The following TBC1D15 variants were observed in gnomAD, a reference collection of about 807,000 sequenced individuals.
TBC1D15 encodes TBC1 domain family member 15, also known as GAP for RAB7.
TBC1D15 carries 39 observed loss-of-function variants against 95.4 expected under a neutral mutation model. The ratio of observed to expected loss-of-function variants is 0.41; its 90% CI spans 0.32 to 0.53. The LOEUF is 0.53. Among genes scored for constraint, TBC1D15 ranks in the 20% least tolerant of loss-of-function variants. The pLI is 0.29. For missense variants in TBC1D15, 733 were observed against 794.3 expected (o/e 0.92, Z 0.93); for synonymous variants, 258 against 261.3 (o/e 0.99, Z 0.12).
At chr12:71,866,802 T>C (rs1454775912) in intron 1 of TBC1D15, among the ~76,000 whole-genome samples, 1 of 152,198 alleles carries the variant, frequency 6.6e-6, no homozygotes, top group East Asian at 1.9e-4. Context: ...ATTGTTTTGG[T>C]TGCTTGTTGC....
intron 10 of TBC1D15, among the ~76,000 whole-genome samples, chr12:71,901,162 A>G (rs942122753): frequency 5.3e-5 from 8 of 152,126 alleles, no homozygotes; most frequent in African/African-American, 1.9e-4. Flanking sequence ...CTGGGGCTGC[A>G]TGCACGCACC....
At chr12:71,878,474 C>G (rs961912506) in intron 3 of TBC1D15, among the ~76,000 whole-genome samples, 4 of 151,034 alleles carry the variant, frequency 2.6e-5, no homozygotes, top group African/African-American at 9.7e-5. Context: ...TAGCTTTCCT[C>G]ACTACTGACG....
chr12:71,889,683 T>C (rs1206206081), intron 5 of TBC1D15, among the ~76,000 whole-genome samples: 2 of 152,224 alleles, frequency 1.3e-5, no homozygotes, highest in African/African-American at 2.4e-5. Context: ...GCAGGTTTGT[T>C]ATGTAGGTAA....
At chr12:71,905,625 C>T (rs1341587128) in intron 10 of TBC1D15, among the ~76,000 whole-genome samples, 1 of 152,024 alleles carries the variant, frequency 6.6e-6, no homozygotes, top group Non-Finnish European at 1.5e-5. Context: ...TGTACCTGGC[C>T]CATTTTGACA....
chr12:71,894,334 C>G lies in TBC1D15; in HGVS notation c.658-352C>G, dbSNP rs749058967. ...TTTTTTTTGTATGAAGGCAGGACTGCTAGACAGAAGAAAGCTGTTGTGGGC... is the reference window on the plus strand; with the variant it reads ...TTTTTTTTGTATGAAGGCAGGACTGGTAGACAGAAGAAAGCTGTTGTGGGC... On this transcript the variant is annotated intron_variant, in intron 6 of 16. Transcript: ENST00000485960. 2.5e-6 allele frequency: 4 copies of G among 1,612,770 alleles called. No homozygotes were observed. In the Admixed American group the frequency reaches 5.0e-5, roughly 20 times the overall value.
chr12:71,879,852 G>A (rs1283735874), intron 3 of TBC1D15, among the ~76,000 whole-genome samples: 1 of 152,112 alleles, frequency 6.6e-6, no homozygotes, highest in African/African-American at 2.4e-5. Flanking sequence ...AGATGTTGTA[G>A]TTGTGCTATC....
At chr12:71,846,570 T>C (rs1341297716) in intron 1 of TBC1D15, among the ~76,000 whole-genome samples, 1 of 152,192 alleles carries the variant, frequency 6.6e-6, no homozygotes, top group African/African-American at 2.4e-5. Flanking sequence ...GCTCTTGATA[T>C]ATTTTGCTTC....
chr12:71,918,005 A>G (rs1322605318), intron 13 of TBC1D15, among the ~76,000 whole-genome samples: 2 of 152,134 alleles, frequency 1.3e-5, no homozygotes, highest in East Asian at 1.9e-4. Flanking sequence ...AAGGAAAAAA[A>G]AATGCTGGCT....
rs11609372 is a variant in TBC1D15, at chr12:71,924,028, G to T, written c.*824G>T. 13,169 of 152,526 alleles carry T rather than the reference G, an allele frequency of 0.086. 647 individuals carry two copies. The highest frequency in any genetic ancestry group is 0.14 in the South Asian group (689 of 4,818). 9.4% of individuals were successfully genotyped at this position (152,526 alleles called of 1,614,324 possible). On this transcript the variant is annotated 3_prime_UTR_variant, in exon 17 of 17. Transcript: ENST00000485960. The stretch of plus-strand genomic sequence containing the variant: ...GGTGTAATTTTAAAATTAATTGCTT[G>T]TAACCTCACTTTACTAATAATGTTT...
intron 1 of TBC1D15, among the ~76,000 whole-genome samples, chr12:71,851,851 C>T (rs1002330105): frequency 3.9e-5 from 6 of 152,166 alleles, no homozygotes; most frequent in Admixed American, 6.5e-5. Context: ...TATTGTGTGC[C>T]TGTGGCTTTT....
In TBC1D15 at chr12:71,872,139, A is replaced by C; in HGVS notation, c.100A>C (p.Ile34Leu). 6.3e-7 allele frequency: 1 copy of C among 1,579,140 alleles called. No individual in the cohort carries two copies. Among genetic ancestry groups the C allele is most frequent in the Non-Finnish European group, 8.6e-7 (1 of 1,164,512 alleles). The part of the protein sequence containing the change: ...CGKTNDQDGL[I>L]SGILRVLEKD... Reference sequence around the variant, plus strand: ...AAAGACCAATGACCAAGACGGCTTGATTTCAGGAATATTACGTGTTTTAGA... The same window carrying C: ...AAAGACCAATGACCAAGACGGCTTGCTTTCAGGAATATTACGTGTTTTAGA... Residue 34 changes from isoleucine to leucine, a missense_variant, in exon 2 of 17, where the codon ATT becomes CTT. Ile to Leu is a conservative substitution (Grantham distance 5). Coordinates refer to ENST00000485960, the MANE Select transcript of TBC1D15 (RefSeq NM_001146213.3).
Position 71,839,763 on chromosome 12 carries a change from C to G in TBC1D15, c.-19C>G. The G allele has an allele frequency of 1.2e-6, 2 of 1,614,150 alleles. No homozygotes were observed. The highest frequency in any genetic ancestry group is 1.6e-4 in the Middle Eastern group (1 of 6,062). The stretch of plus-strand genomic sequence containing the variant: ...CACGTGAGGTTCTGCTACGTCATTA[C>G]CAGGCACGCGCAGGAAACATGGCGG... On this transcript the variant is annotated 5_prime_UTR_variant, in exon 1 of 17. Transcript: ENST00000485960.
chr12:71,896,328 T>G (rs1898167510), intron 8 of TBC1D15: 1 of 426,802 alleles, frequency 2.3e-6, no homozygotes, highest in African/African-American at 2.0e-5. Flanking sequence ...GGGGGAAGAA[T>G]TCTTCCGTAC....
intron 10 of TBC1D15, among the ~76,000 whole-genome samples, chr12:71,899,495 A>G (rs571380998): frequency 6.6e-6 from 1 of 152,188 alleles, no homozygotes; most frequent in African/African-American, 2.4e-5. Context: ...TTCTTTTTCT[A>G]TAATGCTTTT....
At chr12:71,862,730 A>G (rs1170460765) in intron 1 of TBC1D15, among the ~76,000 whole-genome samples, 1 of 152,000 alleles carries the variant, frequency 6.6e-6, no homozygotes, top group Non-Finnish European at 1.5e-5. Context: ...TTTTGCTCTC[A>G]TAGTTTATCA....
At chr12:71,864,333 G>T (rs929253483) in intron 1 of TBC1D15, among the ~76,000 whole-genome samples, 1 of 152,112 alleles carries the variant, frequency 6.6e-6, no homozygotes, top group Non-Finnish European at 1.5e-5. Context: ...CTCCCAAAGT[G>T]CTGGGATTAC....
At chr12:71,844,716 C>T (rs1885885168) in intron 1 of TBC1D15, among the ~76,000 whole-genome samples, 1 of 152,142 alleles carries the variant, frequency 6.6e-6, no homozygotes, top group South Asian at 2.1e-4. Context: ...TTGCTCTGTA[C>T]CTGGCACATG....
At chr12:71,870,526 C>G (rs1213925042) in intron 1 of TBC1D15, among the ~76,000 whole-genome samples, 2 of 152,174 alleles carry the variant, frequency 1.3e-5, no homozygotes, top group Non-Finnish European at 2.9e-5. Context: ...AGACTGTTTC[C>G]TGACATAAGT....
intron 1 of TBC1D15, among the ~76,000 whole-genome samples, chr12:71,863,997 C>A (rs990616781): frequency 6.7e-6 from 1 of 150,010 alleles, no homozygotes; most frequent in African/African-American, 2.4e-5. Flanking sequence ...ATTTTGAATT[C>A]CTTTTGTTGA....
Sources: allele counts gnomAD v4.1 joint callset (sites outside exome capture counted in the v4.1 genomes callset), GRCh38; gene constraint gnomAD v4.1.1; transcripts MANE v1.5; gene names NCBI Gene and HGNC (gene_info 2026-07-23, HGNC 2026-07-21).